CDH3: variants seen among roughly 807,000 people sequenced by gnomAD.
CDH3 encodes cadherin-3.
A neutral mutation model predicts 82.0 loss-of-function variants in CDH3; 54 were observed. The observed-to-expected ratio is 0.66, with a 90% CI of 0.53 to 0.83. CDH3 has a LOEUF of 0.83. CDH3 is among the 40% of genes least tolerant of loss of function. The probability of loss-of-function intolerance (pLI) is 0.00; values close to 1 mark genes in which losing one functional copy is unlikely to be tolerated. For missense variants in CDH3, 1,054 were observed against 1,084.6 expected (o/e 0.97, Z 0.40); for synonymous variants, 446 against 437.9 (o/e 1.02, Z -0.23).
At chr16:68,656,153 T>G (rs1393401714) in intron 2 of CDH3, among the ~76,000 whole-genome samples, 1 of 152,058 alleles carries the variant, frequency 6.6e-6, no homozygotes, top group Admixed American at 6.6e-5. Flanking sequence ...CGCTTGAAAT[T>G]TGTCTCACCC....
downstream of CDH3, among the ~76,000 whole-genome samples, chr16:68,729,544 A>T (rs1366874669): frequency 2.6e-5 from 4 of 152,218 alleles, no homozygotes; most frequent in Admixed American, 2.6e-4. Flanking sequence ...ATGAACAAAA[A>T]GGGATGGAGA....
chr16:68,721,687 G>A (rs1178398436), intron 1 of CDH3, among the ~76,000 whole-genome samples: 1 of 152,142 alleles, frequency 6.6e-6, no homozygotes, highest in Non-Finnish European at 1.5e-5. Context: ...TTGCCCAGGT[G>A]GTGACTTCTG....
At chr16:68,733,050 C>A in the CDH3 span, among the ~76,000 whole-genome samples, 1 of 152,142 alleles carries the variant, frequency 6.6e-6, no homozygotes, top group Admixed American at 6.5e-5. Flanking sequence ...GAGGGCTAAT[C>A]ACTCACCTTT....
chr16:68,677,611 G>A (rs145046438), intron 3 of CDH3, among the ~76,000 whole-genome samples: 9 of 152,296 alleles, frequency 5.9e-5, no homozygotes, highest in Admixed American at 5.2e-4. Context: ...GGTGGCAGAT[G>A]CCTGTAATCC....
At chr16:68,693,183 A>G (rs1333783948) in intron 13 of CDH3, among the ~76,000 whole-genome samples, 1 of 152,186 alleles carries the variant, frequency 6.6e-6, no homozygotes, top group African/African-American at 2.4e-5. Context: ...GTCAGGCCTC[A>G]TAGGTTATTG....
At chr16:68,703,906 C>T (rs989322023), downstream of CDH3, among the ~76,000 whole-genome samples, 9 of 151,976 alleles carry the variant, frequency 5.9e-5, no homozygotes, top group African/African-American at 2.2e-4. Flanking sequence ...GAGATCGTGC[C>T]ACTGCACTCC....
In CDH3 at chr16:68,695,850, C is replaced by T; in HGVS notation, c.2207C>T (p.Pro736Leu). 6.2e-7 allele frequency: 1 copy of T among 1,614,058 alleles called. No homozygotes were observed. The highest frequency in any genetic ancestry group is 8.5e-7 in the Non-Finnish European group (1 of 1,179,970). Residue 736 changes from proline (P) to leucine (L), a missense_variant, in exon 15 of 16, where the codon CCA becomes CTA. Transcript: ENST00000264012. ...GTGGTTCTCCGCAATGACGTGGCAC[C>T]AACCATCATCCCGACACCCATGTAC... is the stretch of plus-strand genomic sequence containing the variant. ...PEVVLRNDVA[P>L]TIIPTPMYRP...
intron 15 of CDH3, chr16:68,696,306 C>A (rs765246962): frequency 3.5e-5 from 12 of 341,218 alleles, no homozygotes; most frequent in Non-Finnish European, 6.9e-5. Flanking sequence ...GTAGTCCCAG[C>A]TACTCGGGAG....
At chr16:68,649,805 G>A (rs773961189) in intron 2 of CDH3, among the ~76,000 whole-genome samples, 9 of 152,022 alleles carry the variant, frequency 5.9e-5, no homozygotes, top group Admixed American at 2.0e-4. Flanking sequence ...AGGCTGAGGC[G>A]GGCAGATCAC....
intron 12 of CDH3, among the ~76,000 whole-genome samples, chr16:68,690,873 C>T (rs540128134): frequency 6.6e-6 from 1 of 152,078 alleles, no homozygotes; most frequent in East Asian, 1.9e-4. Context: ...CGCCACTGCT[C>T]TCTAGTCTGG....
chr16:68,695,278 T>C lies in CDH3; in HGVS notation c.2026T>C (p.Leu676=). 2.5e-6 allele frequency: 4 copies of C among 1,614,088 alleles called. No homozygotes were observed. Among genetic ancestry groups the C allele is most frequent in the Non-Finnish European group, 3.4e-6 (4 of 1,180,026 alleles). The stretch of plus-strand genomic sequence containing the variant: ...AGTCCTCCTGCTGGTGCTGCTTTTG[T>C]TGGTGAGAAAGAAGCGGAAGATCAA... ...LLFLLLVLLL[L]VRKKRKIKEP... is the part of the protein sequence containing the mutation. The change falls in exon 14 of 16, where the codon TTG becomes CTG. Residue 676 remains leucine, a synonymous_variant. Coordinates refer to ENST00000264012, the MANE Select transcript of CDH3 (RefSeq NM_001793.6).
chr16:68,668,005 T>G (rs1960783858), intron 2 of CDH3, among the ~76,000 whole-genome samples: 1 of 152,216 alleles, frequency 6.6e-6, no homozygotes, highest in Non-Finnish European at 1.5e-5. Flanking sequence ...GACAGTATTT[T>G]AGGGAATGTA....
In CDH3 at chr16:68,645,556, G is replaced by T; in HGVS notation, c.46-80G>T. Reference sequence around the variant, plus strand: ...GGGCCAAGGGAGTCCCGGAAGGCCCGTGAGGACCCTGCGGTGTGGGGAGTG... The same window carrying T: ...GGGCCAAGGGAGTCCCGGAAGGCCCTTGAGGACCCTGCGGTGTGGGGAGTG... On this transcript the variant is annotated intron_variant, in intron 1 of 15. Coordinates refer to ENST00000264012, the MANE Select transcript of CDH3 (RefSeq NM_001793.6). 6 of 1,450,672 alleles carry T rather than the reference G, an allele frequency of 4.1e-6. No individual in the cohort carries two copies. In the South Asian group the frequency reaches 4.9e-5, roughly 12 times the overall value. The allele number at this position is 1,450,672 out of a possible 1,614,324, so 89.9% of individuals were successfully genotyped here.
chr16:68,731,020 C>CAAAA (rs1168041237), downstream of CDH3, among the ~76,000 whole-genome samples: 11 of 34,900 alleles, frequency 3.2e-4, no homozygotes, highest in African/African-American at 1.2e-3. Flanking sequence ...AACTCCGTCT[C>CAAAA]AAAAAAAAAA....
intron 1 of CDH3, among the ~76,000 whole-genome samples, chr16:68,708,421 G>A (rs879902724): frequency 2.0e-5 from 3 of 150,478 alleles, no homozygotes; most frequent in Admixed American, 6.6e-5. Context: ...ATCAAACCAC[G>A]TTTCCTCAGA....
chr16:68,650,366 G>T (rs73558865), intron 2 of CDH3, among the ~76,000 whole-genome samples: 1 of 152,018 alleles, frequency 6.6e-6, no homozygotes, highest in Non-Finnish European at 1.5e-5. Flanking sequence ...GTGCAATGGC[G>T]CAGTCTCGGC....
chr16:68,716,287 G>A (rs4783565), intron 1 of CDH3, among the ~76,000 whole-genome samples: 35,324 of 151,112 alleles, frequency 0.23, 4,391 homozygotes, highest in East Asian at 0.28. Flanking sequence ...TCAATAAATT[G>A]TAGGCATTCA....
intron 13 of CDH3, among the ~76,000 whole-genome samples, chr16:68,694,571 G>A (rs62057799): frequency 0.56 from 84,455 of 149,486 alleles, 24,164 homozygotes; most frequent in Middle Eastern, 0.62. Flanking sequence ...GCAGTGAGCC[G>A]AGATTGCACC....
intron 2 of CDH3, among the ~76,000 whole-genome samples, chr16:68,657,881 T>C (rs979250213): frequency 2.6e-5 from 4 of 152,146 alleles, no homozygotes; most frequent in Non-Finnish European, 5.9e-5. Context: ...TGTTGTACGC[T>C]AGGAGGAGTA....
Sources: allele counts gnomAD v4.1 joint callset (sites outside exome capture counted in the v4.1 genomes callset), GRCh38; gene constraint gnomAD v4.1.1; transcripts MANE v1.5; gene names NCBI Gene and HGNC (gene_info 2026-07-23, HGNC 2026-07-21).